ADARB2: variants seen among roughly 807,000 people sequenced by gnomAD.
ADARB2 encodes adenosine deaminase RNA specific B2 (inactive), also known as inactive double-stranded RNA-specific editase B2.
Under a neutral mutation model 62.2 loss-of-function variants are expected in ADARB2, and 25 were observed. That is an observed-to-expected ratio of 0.40 (90% CI 0.29 to 0.56). The LOEUF is 0.56. Ranked by LOEUF, ADARB2 falls within the 20% of genes least tolerant of loss-of-function variation. ADARB2 has a pLI of 0.43. For missense variants in ADARB2, 1,071 were observed against 1,077.4 expected, an observed-to-expected ratio of 0.99 and a Z score of 0.08; for synonymous variants, 572 against 500.8, an observed-to-expected ratio of 1.14 and a Z score of -1.90.
chr10:1,363,560 G>T lies in ADARB2; in HGVS notation c.545C>A (p.Ala182Glu). The T allele has an allele frequency of 6.4e-7, 1 of 1,573,880 alleles. No homozygotes were observed. Among genetic ancestry groups the T allele is most frequent in the Non-Finnish European group, 8.6e-7 (1 of 1,160,888 alleles). ...CACGAAGGACCTGAGTGCCAGCTCCGCCGCGCGCATCTTGGCCTTCTTCTT... is the reference window on the plus strand; with the variant it reads ...CACGAAGGACCTGAGTGCCAGCTCCTCCGCGCGCATCTTGGCCTTCTTCTT... ...PTKKKAKMRA[A>E]ELALRSFVQF... Residue 182 changes from alanine (A) to glutamate (E), a missense_variant, in exon 3 of 10, where the codon GCG becomes GAG. Transcript: ENST00000381312.
chr10:1,314,638 G>A (rs764211827), intron 3 of ADARB2, among the ~76,000 whole-genome samples: 1 of 152,170 alleles, frequency 6.6e-6, no homozygotes, highest in Non-Finnish European at 1.5e-5. Context: ...TCTCAAATAC[G>A]GCATGCGAAG....
Position 1,287,344 on chromosome 10 carries a change from A to G in ADARB2, c.1078-16275T>C, listed in dbSNP as rs549090609. The stretch of plus-strand genomic sequence containing the variant: ...CATATACACATTGTGGGATGATCAT[A>G]TCAGGCTGACATAGCCACCACCTCA... On this transcript the variant is annotated intron_variant, in intron 3 of 9. Coordinates refer to ENST00000381312, the MANE Select transcript of ADARB2 (RefSeq NM_018702.4). 3.9e-5 allele frequency among the ~76,000 whole-genome samples: 6 copies of G among 152,360 alleles called. No individual in the cohort carries two copies. The East Asian group carries it at 1.2e-3, about 29-fold the overall frequency.
rs192977348 is a variant in ADARB2, at chr10:1,672,834, T to C, written c.100+64217A>G. 3.0e-3 allele frequency among the ~76,000 whole-genome samples: 447 copies of C among 149,652 alleles called. 1 individual carries two copies. Among genetic ancestry groups the C allele is most frequent in the Non-Finnish European group, 5.3e-3 (356 of 66,892 alleles). The stretch of plus-strand genomic sequence containing the variant: ...GTCTGGTTTTCCTGATGGAGTAAGT[T>C]ACTGAGGACAAATCATTTTACAAAT... On this transcript the variant is annotated intron_variant, in intron 1 of 9. Coordinates refer to ENST00000381312, the MANE Select transcript of ADARB2 (RefSeq NM_018702.4).
chr10:1,260,739 A>C (rs1199349461), intron 4 of ADARB2, among the ~76,000 whole-genome samples: 3 of 143,662 alleles, frequency 2.1e-5, no homozygotes, highest in African/African-American at 7.8e-5. Context: ...AAGGTAATTT[A>C]CAGATTCAAT....
chr10:1,313,404 CCTCA>C (rs1029601839), intron 3 of ADARB2, among the ~76,000 whole-genome samples: 6 of 152,200 alleles, frequency 3.9e-5, no homozygotes, highest in East Asian at 3.8e-4. Flanking sequence ...GTTCATGAGG[CCTCA>C]CTGAGTGCCA....
At chr10:1,502,751 C>T (rs1031926699) in intron 1 of ADARB2, among the ~76,000 whole-genome samples, 1 of 152,148 alleles carries the variant, frequency 6.6e-6, no homozygotes, top group African/African-American at 2.4e-5. Flanking sequence ...TTACTTTAAT[C>T]TTTATTTGTT....
intron 2 of ADARB2, among the ~76,000 whole-genome samples, chr10:1,371,338 A>G (rs1832370148): frequency 6.6e-6 from 1 of 152,220 alleles, no homozygotes; most frequent in Non-Finnish European, 1.5e-5. Context: ...AACTATAAAA[A>G]TCCTACAAGA....
rs751336459 is a variant in ADARB2 at position 1,255,648 on chromosome 10, C to T, written c.1193-13349G>A. On this transcript the variant is annotated intron_variant, in intron 4 of 9. Coordinates refer to ENST00000381312, the MANE Select transcript of ADARB2 (RefSeq NM_018702.4). This position sits in a 1 kb window ranked among gnomAD's most constrained non-coding sequence, Gnocchi z 4.7. ...AACTTCTCCAAACCTGATGGGCTGT[C>T]GGTGAGGTTAGAGGTAAGAGGGAGG... Among the ~76,000 whole-genome samples the T allele has an allele frequency of 1.5e-4, 23 of 152,156 alleles. No homozygotes were observed. The highest frequency in any genetic ancestry group is 6.5e-4 in the Admixed American group (10 of 15,276).
intron 1 of ADARB2, among the ~76,000 whole-genome samples, chr10:1,567,600 G>C (rs375323383): frequency 6.6e-6 from 1 of 152,206 alleles, no homozygotes; most frequent in Admixed American, 6.5e-5. Flanking sequence ...GACACAGGAC[G>C]TGGCCAGGCA....
Position 1,639,343 on chromosome 10 carries a change from A to C in ADARB2, c.100+97708T>G, listed in dbSNP as rs553030897. On this transcript the variant is annotated intron_variant, in intron 1 of 9. Transcript: ENST00000381312. ...GGTCAGTCATGTGGCCCTGGAAGAGAAGTCCCCAGAGCCTTCAGGAATGTC... is the reference window on the plus strand; with the variant it reads ...GGTCAGTCATGTGGCCCTGGAAGAGCAGTCCCCAGAGCCTTCAGGAATGTC... Among the ~76,000 whole-genome samples the C allele has an allele frequency of 3.9e-5, 6 of 152,294 alleles. No homozygotes were observed. The South Asian group carries it at 1.2e-3, about 32-fold the overall frequency.
chr10:1,442,760 G>T (rs577701145), intron 1 of ADARB2, among the ~76,000 whole-genome samples: 1 of 152,254 alleles, frequency 6.6e-6, no homozygotes, highest in South Asian at 2.1e-4. Context: ...ACACTTTGCC[G>T]TTTTGATTTT....
intron 1 of ADARB2, among the ~76,000 whole-genome samples, chr10:1,567,479 C>T (rs1008020990): frequency 1.3e-5 from 2 of 152,144 alleles, no homozygotes; most frequent in African/African-American, 4.8e-5. Flanking sequence ...GCCAGGGGAC[C>T]CTCACTGGCC....
chr10:1,329,984 T>G (rs1831914168), intron 3 of ADARB2, among the ~76,000 whole-genome samples: 1 of 147,894 alleles, frequency 6.8e-6, no homozygotes, highest in South Asian at 2.2e-4. Context: ...AGGACGGGAA[T>G]GTTTTCCAGG....
intron 4 of ADARB2, among the ~76,000 whole-genome samples, chr10:1,242,656 G>A (rs1483177663): frequency 1.3e-5 from 2 of 152,198 alleles, no homozygotes; most frequent in Non-Finnish European, 2.9e-5. Context: ...TGGGAGCAGT[G>A]CTAGCTGCGG....
chr10:1,285,299 G>A (rs180788543), intron 3 of ADARB2, among the ~76,000 whole-genome samples: 8 of 150,052 alleles, frequency 5.3e-5, no homozygotes, highest in Non-Finnish European at 7.4e-5. Context: ...GGGGAAACGC[G>A]CCCTCCTGTG....
intron 1 of ADARB2, among the ~76,000 whole-genome samples, chr10:1,632,125 A>G (rs1463460620): frequency 2.6e-5 from 4 of 152,244 alleles, no homozygotes; most frequent in East Asian, 1.9e-4. Context: ...TCCTAGGGCC[A>G]TAAAATAATC....
chr10:1,357,971 GTCTT>G (rs1395874564), intron 3 of ADARB2, among the ~76,000 whole-genome samples: 1 of 152,210 alleles, frequency 6.6e-6, no homozygotes, highest in African/African-American at 2.4e-5. Flanking sequence ...CTGACTGTAA[GTCTT>G]TCTCTCTGGT....
intron 1 of ADARB2, among the ~76,000 whole-genome samples, chr10:1,431,328 T>C (rs1335826032): frequency 6.6e-6 from 1 of 152,206 alleles, no homozygotes; most frequent in East Asian, 1.9e-4. Flanking sequence ...AACACACTTC[T>C]AAATAACCCA....
At chr10:1,222,439 C>A (rs1408561555) in intron 6 of ADARB2, among the ~76,000 whole-genome samples, 3 of 151,208 alleles carry the variant, frequency 2.0e-5, no homozygotes, top group African/African-American at 7.4e-5. Flanking sequence ...ATTTGTCAAT[C>A]TTGGCTTTTG....
Sources: allele counts gnomAD v4.1 joint callset (sites outside exome capture counted in the v4.1 genomes callset), GRCh38; gene constraint gnomAD v4.1.1; non-coding constraint Gnocchi (gnomAD v3.1); transcripts MANE v1.5; gene names NCBI Gene and HGNC (gene_info 2026-07-23, HGNC 2026-07-21).